Variants in MMP15 observed in about 807,000 individuals in gnomAD.
MMP15 encodes the protein matrix metalloproteinase-15.
A neutral mutation model predicts 65.0 loss-of-function variants in MMP15; 36 were observed. That is an observed-to-expected ratio of 0.55 (90% CI 0.42 to 0.73). MMP15 has a LOEUF of 0.73. MMP15 is among the 30% of genes least tolerant of loss of function. The probability of loss-of-function intolerance (pLI) is 0.00; values close to 1 mark genes in which losing one functional copy is unlikely to be tolerated. For missense variants in MMP15, 870 were observed against 987.8 expected (o/e 0.88, Z 1.60); for synonymous variants, 428 against 410.2 (o/e 1.04, Z -0.52).
chr16:58,045,886 G>A lies in MMP15; in HGVS notation c.*440G>A, dbSNP rs574918399. 206 of 169,934 alleles carry A rather than the reference G, an allele frequency of 1.2e-3. No homozygotes were observed. Among genetic ancestry groups the A allele is most frequent in the Middle Eastern group, 0.012 (4 of 342 alleles). The allele number at this position is 169,934 out of a possible 1,614,324, so 10.5% of individuals were successfully genotyped here. On this transcript the variant is annotated 3_prime_UTR_variant, in exon 10 of 10. Transcript: ENST00000219271. ...CCAAGTGAGTCTCTCTGGGCCTTAG[G>A]AAGAGCCTTCCACCCAGGGGCAGCC... is the stretch of plus-strand genomic sequence containing the variant.
chr16:58,033,933 A>G, intron 1 of MMP15, among the ~76,000 whole-genome samples: 1 of 152,256 alleles, frequency 6.6e-6, no homozygotes, highest in African/African-American at 2.4e-5. Context: ...TGAGAGAACC[A>G]CAGTGGCAGG....
At chr16:58,038,461 C>T in intron 3 of MMP15, 67 bp downstream of exon 3, 1 of 1,596,954 alleles carries the variant, frequency 6.3e-7, no homozygotes, top group Non-Finnish European at 8.6e-7. Flanking sequence ...CCTCCTTTCC[C>T]AGAGCCCACC....
At position 58,045,495 on chromosome 16, in the gene MMP15, A is replaced by G; in HGVS notation, c.*49A>G. On this transcript the variant is annotated 3_prime_UTR_variant, in exon 10 of 10. Coordinates refer to ENST00000219271, the MANE Select transcript of MMP15 (RefSeq NM_002428.4). ...TGCTCAGGGGGCGCCTGTGGTTCTG[A>G]GATGGCTCCCAGGGGCTCCCTCCGC... is the stretch of plus-strand genomic sequence containing the variant. 1 of 1,452,946 alleles carries G rather than the reference A, an allele frequency of 6.9e-7. No homozygotes were observed. The allele number at this position is 1,452,946 out of a possible 1,614,324, so 90.0% of individuals were successfully genotyped here. A position where few individuals can be genotyped will look rare whatever the true frequency, so the allele number is the denominator to read the frequency against.
chr16:58,027,089 G>T (rs1597060546), intron 1 of MMP15, among the ~76,000 whole-genome samples: 1 of 152,238 alleles, frequency 6.6e-6, no homozygotes, highest in Non-Finnish European at 1.5e-5. Flanking sequence ...GGTTGCGGGG[G>T]CGCTTTGGCG....
At chr16:58,036,192 C>A (rs1959328914) in intron 1 of MMP15, among the ~76,000 whole-genome samples, 1 of 152,176 alleles carries the variant, frequency 6.6e-6, no homozygotes, top group Non-Finnish European at 1.5e-5. Context: ...CTTGCAGTGT[C>A]CAAGGTCCAG....
chr16:58,036,151 C>T (rs1479080955), intron 1 of MMP15, among the ~76,000 whole-genome samples: 2 of 152,212 alleles, frequency 1.3e-5, no homozygotes, highest in African/African-American at 4.8e-5. Flanking sequence ...TCTGGAGACC[C>T]CCAGAGACCC....
At position 58,026,261 on chromosome 16, in the gene MMP15, C is replaced by G; in HGVS notation, c.-90C>G. ...AGCCCGAGGTCCGCGGCGCGCCTGCCGGGCCAGGAGCCAGGGAGCGTCGCA... is the reference window on the plus strand; with the variant it reads ...AGCCCGAGGTCCGCGGCGCGCCTGCGGGGCCAGGAGCCAGGGAGCGTCGCA... On this transcript the variant is annotated 5_prime_UTR_variant, in exon 1 of 10. Transcript: ENST00000219271. 2 of 1,220,116 alleles carry G rather than the reference C, an allele frequency of 1.6e-6. No homozygotes were observed. Among genetic ancestry groups the G allele is most frequent in the Non-Finnish European group, 2.0e-6 (2 of 975,844 alleles). The allele number at this position is 1,220,116 out of a possible 1,614,324, so 75.6% of individuals were successfully genotyped here. A position where few individuals can be genotyped will look rare whatever the true frequency, so the allele number is the denominator to read the frequency against.
rs758857231 is a variant in MMP15, at chr16:58,045,185, A to G, written c.1749A>G (p.Ala583=). The G allele has an allele frequency of 6.3e-7, 1 of 1,592,806 alleles. No individual in the cohort carries two copies. Among genetic ancestry groups the G allele is most frequent in the Non-Finnish European group, 8.5e-7 (1 of 1,170,240 alleles). ...ARPPFNPHGG[A]EPGADSAEGD... ...CGCCCTTCAACCCCCACGGGGGTGC[A>G]GAGCCCGGGGCGGACAGCGCAGAGG... The change falls in exon 10 of 10, where the codon GCA becomes GCG. Residue 583 remains alanine (A), a synonymous_variant. Transcript: ENST00000219271.
intron 1 of MMP15, among the ~76,000 whole-genome samples, chr16:58,030,597 C>G (rs971531142): frequency 2.6e-5 from 4 of 152,188 alleles, no homozygotes; most frequent in Admixed American, 2.6e-4. Context: ...GATGGTGATG[C>G]AGGCCAAGGT....
At position 58,045,336 on chromosome 16, in the gene MMP15, C is replaced by A. The variant is rs553153815; in HGVS notation, c.1900C>A (p.Leu634Met). 6.2e-7 allele frequency: 1 copy of A among 1,607,008 alleles called. No homozygotes were observed. The highest frequency in any genetic ancestry group is 1.1e-5 in the South Asian group (1 of 89,492). ...VNVVMVLVPL[L>M]LLLCVLGLTY... ...CGTGGTGATGGTGCTGGTGCCACTG[C>A]TGCTGCTGCTCTGCGTCCTGGGCCT... Residue 634 changes from leucine to methionine, a missense_variant, in exon 10 of 10, where the codon CTG (leucine) becomes ATG (methionine). Coordinates refer to ENST00000219271, the MANE Select transcript of MMP15 (RefSeq NM_002428.4).
chr16:58,026,534 TTGGCTGC>T (rs1284586799), intron 1 of MMP15, 22 bp downstream of exon 1: 2 of 1,307,756 alleles, frequency 1.5e-6, no homozygotes, highest in Admixed American at 8.2e-5. Context: ...GCCCTGCCCT[TTGGCTGC>T]GGGCTGGGGG....
chr16:58,040,854 T>C, intron 5 of MMP15, 156 bp downstream of exon 5: 1 of 1,175,324 alleles, frequency 8.5e-7, no homozygotes, highest in East Asian at 2.5e-5. Flanking sequence ...TAAATGGTGG[T>C]ACTGGAAATG....
Position 58,045,629 on chromosome 16 carries a change from TG to T in MMP15, c.*184del, listed in dbSNP as rs1959551814. On this transcript the variant is annotated 3_prime_UTR_variant, in exon 10 of 10. Coordinates refer to ENST00000219271, the MANE Select transcript of MMP15 (RefSeq NM_002428.4). The stretch of plus-strand genomic sequence containing the variant: ...GTTTTTGGCACCTTACTTGACCATT[TG>T]TTTCTGTTTCCCCGACTGGGGCAGG... The T allele has an allele frequency of 6.8e-6, 4 of 585,078 alleles. No individual in the cohort carries two copies. The highest frequency in any genetic ancestry group is 1.2e-5 in the Non-Finnish European group (4 of 339,344). The allele number at this position is 585,078 out of a possible 1,614,324, so 36.2% of individuals were successfully genotyped here. A position where few individuals can be genotyped will look rare whatever the true frequency, so the allele number is the denominator to read the frequency against.
rs1246081631 is a variant in MMP15 at position 58,026,179 on chromosome 16, T to G, written c.-172T>G. The G allele has an allele frequency of 1.4e-5, 9 of 654,422 alleles. 1 individual carries two copies. The highest frequency in any genetic ancestry group is 1.9e-5 in the Non-Finnish European group (9 of 463,576). 40.5% of individuals were successfully genotyped at this position (654,422 alleles called of 1,614,324 possible). On this transcript the variant is annotated 5_prime_UTR_variant, in exon 1 of 10. Transcript: ENST00000219271. ...AGCTCCCGGACCTGCCCTGCCCGCT[T>G]CTCCTCGGGCTTGGGAATTTGCCGA... is the stretch of plus-strand genomic sequence containing the variant.
chr16:58,038,239 G>A, intron 2 of MMP15, 27 bp from the exon 3 acceptor site: 4 of 1,611,670 alleles, frequency 2.5e-6, no homozygotes, highest in Non-Finnish European at 3.4e-6. Flanking sequence ...GAGGCTCCGT[G>A]CTCACCCCTC....
chr16:58,035,919 GGGTGCCAGGGCTGGGCT>G (rs904736604), intron 1 of MMP15, among the ~76,000 whole-genome samples: 7 of 152,220 alleles, frequency 4.6e-5, no homozygotes, highest in African/African-American at 1.7e-4. Flanking sequence ...GGACCTGGCC[GGGTGCCAGGGCTGGGCT>G]GGTGGATGGT....
chr16:58,037,278 T>G (rs992634388), intron 1 of MMP15, among the ~76,000 whole-genome samples, 194 bp from the exon 2 acceptor site: 1 of 152,182 alleles, frequency 6.6e-6, no homozygotes, highest in Non-Finnish European at 1.5e-5. Context: ...GACCTGGCCT[T>G]TGTTCTGGCT....
Position 58,025,853 on chromosome 16 carries a change from G to A in MMP15, c.-498G>A, listed in dbSNP as rs1203533773. On this transcript the variant is annotated 5_prime_UTR_variant, in exon 1 of 10. Coordinates refer to ENST00000219271, the MANE Select transcript of MMP15 (RefSeq NM_002428.4). ...CTTGCTCTCTCGCTCGCTCTCTCGG[G>A]TCGGCTCCCTGCGCCTCCTCCCGGG... The A allele has an allele frequency of 1.3e-5, 2 of 151,706 alleles. No individual in the cohort carries two copies. The highest frequency in any genetic ancestry group is 3.9e-4 in the East Asian group (2 of 5,148). The allele number at this position is 151,706 out of a possible 1,614,324, so 9.4% of individuals were successfully genotyped here. A position where few individuals can be genotyped will look rare whatever the true frequency, so the allele number is the denominator to read the frequency against.
chr16:58,035,204 T>A (rs1280961868), intron 1 of MMP15, among the ~76,000 whole-genome samples: 3 of 152,320 alleles, frequency 2.0e-5, no homozygotes, highest in South Asian at 4.1e-4. Context: ...GCTCCACACC[T>A]TCCAGCACAG....
Sources: gnomAD v4.1 joint callset for allele counts (sites outside exome capture counted in the v4.1 genomes callset) on GRCh38, gnomAD v4.1.1 for gene constraint, MANE v1.5 for transcripts, NCBI Gene and HGNC (gene_info 2026-07-23, HGNC 2026-07-21) for gene names.